The following RXYLT1 variants were observed in gnomAD, a reference collection of about 807,000 sequenced individuals.
RXYLT1 encodes the protein ribitol-5-phosphate xylosyltransferase 1.
RXYLT1 carries 41 observed loss-of-function variants against 43.5 expected under a neutral mutation model. The ratio of observed to expected loss-of-function variants is 0.94; its 90% CI spans 0.73 to 1.22. RXYLT1 has a LOEUF of 1.22. Ranked by LOEUF, RXYLT1 falls within the 50% of genes most tolerant of loss-of-function variation. The pLI, the probability that RXYLT1 is intolerant of heterozygous loss-of-function variation, is 0.00. For synonymous variants in RXYLT1, 166 were observed against 194.4 expected (o/e 0.85, Z 1.21); for missense variants, 514 against 532.0 (o/e 0.97, Z 0.33).
chr12:63,788,429 G>T (rs1897852943), intron 3 of RXYLT1, among the ~76,000 whole-genome samples: 1 of 152,216 alleles, frequency 6.6e-6, no homozygotes, highest in East Asian at 1.9e-4. Context: ...TTGAAAATCT[G>T]TTGTCTAGTG....
rs964675262 is a variant in RXYLT1 at position 63,786,234 on chromosome 12, A to C, written c.428+1162A>C. On this transcript the variant is annotated intron_variant, in intron 3 of 5. Coordinates refer to ENST00000261234, the MANE Select transcript of RXYLT1 (RefSeq NM_014254.3). ...AAAATTCATAAAGTTAGCATCTTTA[A>C]GGTTAAAATTATACATTGTTACTAT... Among the ~76,000 whole-genome samples the C allele has an allele frequency of 2.0e-5, 3 of 152,194 alleles. No individual in the cohort carries two copies. The East Asian group carries it at 5.8e-4, about 29-fold the overall frequency.
chr12:63,798,901 A>AT (rs1343789430), intron 3 of RXYLT1, among the ~76,000 whole-genome samples: 1 of 152,178 alleles, frequency 6.6e-6, no homozygotes, highest in African/African-American at 2.4e-5. Context: ...GTGTCTGTGT[A>AT]TTTTTTTAAG....
rs1337494705 is a variant in RXYLT1 at position 63,780,108 on chromosome 12, G to A, written c.148G>A (p.Ala50Thr). ...PRGLRKGAAP[A>T]RERRGREQST... is the part of the protein sequence containing the mutation. ...GGGCCTCAGGAAGGGGGCGGCCCCC[G>A]CGCGGGAGAGACGCGGCCGAGGTAG... The change falls in exon 1 of 6, where the codon GCG becomes ACG. Residue 50 changes from alanine to threonine, a missense_variant. By Grantham distance (58) the Ala-to-Thr change is moderately conservative. Transcript: ENST00000261234. 1.3e-6 allele frequency: 2 copies of A among 1,537,404 alleles called. No homozygotes were observed. The highest frequency in any genetic ancestry group is 2.4e-5 in the East Asian group (1 of 41,094).
At position 63,780,066 on chromosome 12, in the gene RXYLT1, C is replaced by A. The variant is rs1297550082; in HGVS notation, c.106C>A (p.Pro36Thr). The A allele has an allele frequency of 6.2e-7, 1 of 1,602,772 alleles. No individual in the cohort carries two copies. Among genetic ancestry groups the A allele is most frequent in the Non-Finnish European group, 8.5e-7 (1 of 1,177,030 alleles). ...HVFFGRRRQAPAGSPRGLRKG... is the reference protein window; with the variant it reads ...HVFFGRRRQATAGSPRGLRKG... ...CTTCTTCGGGCGCCGCCGCCAGGCG[C>A]CGGCCGGGTCCCCGCGGGGCCTCAG... The change falls in exon 1 of 6, where the codon CCG becomes ACG. Residue 36 changes from proline to threonine, a missense_variant. Physicochemically the swap from Pro to Thr is conservative, Grantham distance 38 (BLOSUM62 -1). Transcript: ENST00000261234.
intron 3 of RXYLT1, among the ~76,000 whole-genome samples, chr12:63,799,366 G>C (rs1898108334): frequency 7.6e-6 from 1 of 132,182 alleles, no homozygotes; most frequent in Non-Finnish European, 1.5e-5. Context: ...GTGCAGTGGC[G>C]TGATCTCAGC....
chr12:63,790,031 C>A (rs776363444), intron 3 of RXYLT1, among the ~76,000 whole-genome samples: 1 of 152,182 alleles, frequency 6.6e-6, no homozygotes, highest in Non-Finnish European at 1.5e-5. Context: ...CGAGACAATT[C>A]TAAGACAGAA....
In RXYLT1 at chr12:63,809,152, G is replaced by T; in HGVS notation, c.*60G>T. On this transcript the variant is annotated 3_prime_UTR_variant, in exon 6 of 6. Coordinates refer to ENST00000261234, the MANE Select transcript of RXYLT1 (RefSeq NM_014254.3). ...CATTTTGACTACTGGGTGTATAAAT[G>T]TGTTTGTGTGTGTATGTATTTATAG... The T allele has an allele frequency of 8.6e-7, 1 of 1,167,486 alleles. No homozygotes were observed. The highest frequency in any genetic ancestry group is 1.5e-5 in the South Asian group (1 of 67,548). 72.3% of individuals were successfully genotyped at this position (1,167,486 alleles called of 1,614,324 possible). A position where few individuals can be genotyped will look rare whatever the true frequency, so the allele number is the denominator to read the frequency against.
chr12:63,792,536 C>G (rs1421581344), intron 3 of RXYLT1, among the ~76,000 whole-genome samples: 1 of 152,198 alleles, frequency 6.6e-6, no homozygotes, highest in Non-Finnish European at 1.5e-5. Flanking sequence ...AGAGTAAACA[C>G]TGAGGCCCGC....
At chr12:63,780,455 GC>G (rs1402769697) in intron 1 of RXYLT1, 1 of 1,168,702 alleles carries the variant, frequency 8.6e-7, no homozygotes, top group Non-Finnish European at 1.1e-6. Context: ...CCTCAAAATC[GC>G]CGCAAGGTTT....
At chr12:63,793,668 A>T (rs541943794) in intron 3 of RXYLT1, among the ~76,000 whole-genome samples, 16 of 152,208 alleles carry the variant, frequency 1.1e-4, no homozygotes, top group Non-Finnish European at 1.9e-4. Context: ...AGCTGCCTAA[A>T]TAGTAGTAGA....
intron 3 of RXYLT1, among the ~76,000 whole-genome samples, chr12:63,791,839 A>G (rs949338963): frequency 9.9e-5 from 15 of 152,214 alleles, no homozygotes; most frequent in African/African-American, 3.6e-4. Context: ...TACATTTTGC[A>G]AGTTAGGAAA....
chr12:63,791,397 C>T (rs192199625), intron 3 of RXYLT1, among the ~76,000 whole-genome samples: 5 of 152,230 alleles, frequency 3.3e-5, no homozygotes, highest in Admixed American at 2.0e-4. Flanking sequence ...TATCAAGATT[C>T]GATTATAACA....
intron 5 of RXYLT1, chr12:63,806,867 T>C (rs1898305120): frequency 1.3e-5 from 2 of 152,374 alleles, no homozygotes; most frequent in Admixed American, 1.3e-4. Flanking sequence ...TCTAGCTCTG[T>C]CTGACACTAC....
intron 3 of RXYLT1, among the ~76,000 whole-genome samples, chr12:63,789,209 G>A (rs956261904): frequency 1.3e-5 from 2 of 152,160 alleles, no homozygotes; most frequent in African/African-American, 4.8e-5. Flanking sequence ...GGCATTATAG[G>A]GTTAATAATT....
chr12:63,789,964 G>A (rs1051720491), intron 3 of RXYLT1, among the ~76,000 whole-genome samples: 1 of 152,172 alleles, frequency 6.6e-6, no homozygotes, highest in Admixed American at 6.5e-5. Flanking sequence ...TTGAAAATAA[G>A]TGTAAATATA....
chr12:63,792,055 G>A (rs913852822), intron 3 of RXYLT1, among the ~76,000 whole-genome samples: 5 of 152,080 alleles, frequency 3.3e-5, no homozygotes, highest in African/African-American at 1.2e-4. Context: ...CTAATTAGTG[G>A]GTAAAGCCAA....
At chr12:63,798,434 A>G (rs986483114) in intron 3 of RXYLT1, among the ~76,000 whole-genome samples, 1 of 152,322 alleles carries the variant, frequency 6.6e-6, no homozygotes, top group Middle Eastern at 3.4e-3. Flanking sequence ...TTGACTAACA[A>G]ACTTTCCAAC....
At chr12:63,783,460 CA>C (rs58996292) in intron 2 of RXYLT1, among the ~76,000 whole-genome samples, 47 of 134,062 alleles carry the variant, frequency 3.5e-4, no homozygotes, top group African/African-American at 6.6e-4. Context: ...GACTCTGTCT[CA>C]AAAAAAAAAA....
intron 3 of RXYLT1, chr12:63,785,532 G>A (rs1897782195): frequency 6.6e-6 from 1 of 152,104 alleles, no homozygotes; most frequent in African/African-American, 2.4e-5. Flanking sequence ...CAAATTTGAT[G>A]AGTTCTATCA....
Sources: gnomAD v4.1 joint callset for allele counts (sites outside exome capture counted in the v4.1 genomes callset) on GRCh38, gnomAD v4.1.1 for gene constraint, MANE v1.5 for transcripts, NCBI Gene and HGNC (gene_info 2026-07-23, HGNC 2026-07-21) for gene names.